The following MOB3B variants were observed in gnomAD, a reference collection of about 807,000 sequenced individuals.
MOB3B encodes the protein MOB kinase activator 3B.
A neutral mutation model predicts 18.7 loss-of-function variants in MOB3B; 7 were observed. That is an observed-to-expected ratio of 0.37 (90% CI 0.21 to 0.70). The LOEUF (loss-of-function observed/expected upper bound fraction) is 0.70. Ranked by LOEUF, MOB3B falls within the 30% of genes least tolerant of loss-of-function variation. The pLI is 0.52. For missense variants in MOB3B, 253 were observed against 281.3 expected (o/e 0.90, Z 0.72); for synonymous variants, 111 against 99.9 (o/e 1.11, Z -0.66).
intron 2 of MOB3B, among the ~76,000 whole-genome samples, chr9:27,431,879 A>T (rs1822422668): frequency 6.6e-6 from 1 of 152,216 alleles, no homozygotes; most frequent in Admixed American, 6.5e-5. Flanking sequence ...ACTGATCAAC[A>T]TGACGGATAA....
chr9:27,352,104 G>A (rs2131349020), intron 3 of MOB3B, among the ~76,000 whole-genome samples: 1 of 152,228 alleles, frequency 6.6e-6, no homozygotes, highest in South Asian at 2.1e-4. Flanking sequence ...ATAGTAACAA[G>A]TCTGGCCAGG....
At chr9:27,365,404 T>G (rs1369977424) in intron 2 of MOB3B, among the ~76,000 whole-genome samples, 1 of 150,680 alleles carries the variant, frequency 6.6e-6, no homozygotes, top group African/African-American at 2.4e-5. Flanking sequence ...GAGTTAATTT[T>G]CAGTCACTGT....
At chr9:27,412,181 GAA>G (rs113122156) in intron 2 of MOB3B, among the ~76,000 whole-genome samples, 1 of 132,024 alleles carries the variant, frequency 7.6e-6, no homozygotes, top group African/African-American at 2.8e-5. Context: ...CCCTTATGAC[GAA>G]AAAAAAAAAA....
chr9:27,371,100 A>C (rs1188828567), intron 2 of MOB3B, among the ~76,000 whole-genome samples: 1 of 152,208 alleles, frequency 6.6e-6, no homozygotes, highest in Non-Finnish European at 1.5e-5. Context: ...TTTTCATCTA[A>C]ATAAAGTCAA....
At chr9:27,521,508 G>A (rs961882515) in intron 1 of MOB3B, among the ~76,000 whole-genome samples, 2 of 152,182 alleles carry the variant, frequency 1.3e-5, no homozygotes, top group Non-Finnish European at 2.9e-5. Flanking sequence ...TAAATTGGGA[G>A]ACCAACACTT....
chr9:27,367,511 G>A (rs1821357036), intron 2 of MOB3B, among the ~76,000 whole-genome samples: 1 of 152,216 alleles, frequency 6.6e-6, no homozygotes, highest in Non-Finnish European at 1.5e-5. Context: ...GGACTTCTGT[G>A]CTGCTTGCCC....
chr9:27,483,164 G>C (rs965676033), intron 1 of MOB3B, among the ~76,000 whole-genome samples: 2 of 97,954 alleles, frequency 2.0e-5, no homozygotes, highest in African/African-American at 8.0e-5. Flanking sequence ...ACGGAGTCTT[G>C]CTCTGTCGCC....
chr9:27,385,207 C>G (rs894222602), intron 2 of MOB3B, among the ~76,000 whole-genome samples: 2 of 152,182 alleles, frequency 1.3e-5, no homozygotes, highest in Non-Finnish European at 2.9e-5. Flanking sequence ...GTTTAACATA[C>G]TCCTCTGAAT....
intron 2 of MOB3B, among the ~76,000 whole-genome samples, chr9:27,436,012 CT>C (rs1183252838): frequency 6.6e-6 from 1 of 152,164 alleles, no homozygotes; most frequent in African/African-American, 2.4e-5. Context: ...TCTTTTAGTC[CT>C]TCAGGGATGC....
rs76185642 is a variant in MOB3B at position 27,511,563 on chromosome 9, T to C, written c.-199+17992A>G. ...CAAATGACGGTACCATCCTACCAAA[T>C]AGATTTCTTCCAAGGAAAGTATGTT... On this transcript the variant is annotated intron_variant, in intron 1 of 3. Transcript: ENST00000262244. Among the ~76,000 whole-genome samples, 1,357 of 152,314 alleles carry C rather than the reference T, an allele frequency of 8.9e-3. 11 individuals carry two copies. Among genetic ancestry groups the C allele is most frequent in the Middle Eastern group, 0.024 (7 of 294 alleles).
chr9:27,376,036 G>C (rs929609982), intron 2 of MOB3B, among the ~76,000 whole-genome samples: 1 of 152,118 alleles, frequency 6.6e-6, no homozygotes, highest in Admixed American at 6.6e-5. Context: ...ATATTTTGTT[G>C]TGTTATCTTC....
chr9:27,519,672 G>A (rs1334829420), intron 1 of MOB3B, among the ~76,000 whole-genome samples: 1 of 152,162 alleles, frequency 6.6e-6, no homozygotes, highest in Non-Finnish European at 1.5e-5. Flanking sequence ...ATGACATGAG[G>A]CTGAGCTGTT....
In MOB3B at chr9:27,423,814, T is replaced by C. The variant is rs78221658; in HGVS notation, c.418+31319A>G. On this transcript the variant is annotated intron_variant, in intron 2 of 3. Transcript: ENST00000262244. ...GAGACTTTATGTTCATCAGAGAAAGTATCAATTATTTAGCTAGATCTTATT... is the reference window on the plus strand; with the variant it reads ...GAGACTTTATGTTCATCAGAGAAAGCATCAATTATTTAGCTAGATCTTATT... Among the ~76,000 whole-genome samples the C allele has an allele frequency of 3.3e-3, 505 of 152,358 alleles. 10 individuals are homozygous for C. The highest frequency in any genetic ancestry group is 0.031 in the East Asian group (163 of 5,188).
chr9:27,498,356 G>A (rs1819933120), intron 1 of MOB3B, among the ~76,000 whole-genome samples: 1 of 152,188 alleles, frequency 6.6e-6, no homozygotes, highest in Non-Finnish European at 1.5e-5. Context: ...TTGGCTTTGG[G>A]AGTCGTATGA....
At chr9:27,406,208 T>G (rs917217685) in intron 2 of MOB3B, among the ~76,000 whole-genome samples, 1 of 152,170 alleles carries the variant, frequency 6.6e-6, no homozygotes, top group African/African-American at 2.4e-5. Flanking sequence ...TTAGAATTGA[T>G]GAAGAAATTC....
chr9:27,444,365 C>T (rs1283862339), intron 2 of MOB3B, among the ~76,000 whole-genome samples: 2 of 151,976 alleles, frequency 1.3e-5, no homozygotes, highest in Admixed American at 6.6e-5. Context: ...AACCTGCTTT[C>T]TTCCACCTCT....
rs1415657385 is a variant in MOB3B at position 27,426,753 on chromosome 9, C to G, written c.418+28380G>C. Among the ~76,000 whole-genome samples, 3 of 152,164 alleles carry G rather than the reference C, an allele frequency of 2.0e-5. No individual in the cohort carries two copies. In the South Asian group the frequency reaches 6.2e-4, roughly 32 times the overall value. The stretch of plus-strand genomic sequence containing the variant: ...CTAGGTTCCCCCAAGACTCACTTCC[C>G]AGGCTTGCACTATTTCCTTTTCTGC... On this transcript the variant is annotated intron_variant, in intron 2 of 3. Transcript: ENST00000262244.
intron 1 of MOB3B, among the ~76,000 whole-genome samples, chr9:27,458,352 TCTGACGGGAG>T (rs1448256525): frequency 6.6e-6 from 1 of 152,038 alleles, no homozygotes; most frequent in Non-Finnish European, 1.5e-5. Flanking sequence ...CTCTGACACC[TCTGACGGGAG>T]CATGTGAATA....
intron 2 of MOB3B, among the ~76,000 whole-genome samples, chr9:27,431,171 AAGG>A (rs1822411735): frequency 1.3e-5 from 2 of 152,204 alleles, no homozygotes; most frequent in Admixed American, 1.3e-4. Flanking sequence ...TATATTCTCA[AAGG>A]AGGAGAAGCT....
Sources: allele counts gnomAD v4.1 joint callset (sites outside exome capture counted in the v4.1 genomes callset), GRCh38; gene constraint gnomAD v4.1.1; transcripts MANE v1.5; gene names NCBI Gene and HGNC (gene_info 2026-07-23, HGNC 2026-07-21).